BAHCC1: variants seen among roughly 807,000 people sequenced by gnomAD.
BAHCC1 encodes BAH and coiled-coil domain-containing protein 1.
In BAHCC1, 43 loss-of-function variants were observed where a neutral mutation model predicts 88.2. That is an observed-to-expected ratio of 0.49 (90% CI 0.38 to 0.63). The LOEUF is 0.63. BAHCC1 is among the 20% of genes least tolerant of loss of function. The pLI, the probability that BAHCC1 is intolerant of heterozygous loss-of-function variation, is 0.00. For missense variants in BAHCC1, 3,023 were observed against 1,654.8 expected, an observed-to-expected ratio of 1.83 and a Z score of -14.34; for synonymous variants, 1,510 against 745.5, an observed-to-expected ratio of 2.03 and a Z score of -16.71.
At position 81,399,555 on chromosome 17, in the gene BAHCC1, C is replaced by T. The variant is rs1465075042; in HGVS notation, c.-185C>T. On this transcript the variant is annotated 5_prime_UTR_variant, in exon 2 of 28. Coordinates refer to ENST00000675386, the MANE Select transcript of BAHCC1 (RefSeq NM_001377448.1). This position sits in a 1 kb window ranked among gnomAD's most constrained non-coding sequence, Gnocchi z 4.5. ...ACAGACCATGGACCCGCACAGCGGC[C>T]GCTGGCTCGGTGCGCGGCCGCCCGC... 7 of 385,254 alleles carry T rather than the reference C, an allele frequency of 1.8e-5. No individual in the cohort carries two copies. The highest frequency in any genetic ancestry group is 1.3e-4 in the Admixed American group (4 of 31,836). The allele number at this position is 385,254 out of a possible 1,614,324, so 23.9% of individuals were successfully genotyped here.
intron 4 of BAHCC1, among the ~76,000 whole-genome samples, chr17:81,438,924 C>T (rs868973187): frequency 2.0e-5 from 3 of 152,156 alleles, no homozygotes; most frequent in Non-Finnish European, 4.4e-5. Flanking sequence ...CTTACACACC[C>T]GGTGGCCTCG....
intron 2 of BAHCC1, among the ~76,000 whole-genome samples, chr17:81,419,788 C>G (rs1391137513): frequency 2.0e-5 from 2 of 102,308 alleles, no homozygotes; most frequent in African/African-American, 7.6e-5. Context: ...CTCAACGAGG[C>G]GTTTTTTTTT....
At chr17:81,445,754 G>A (rs1254293587) in intron 10 of BAHCC1, 73 bp downstream of exon 10, 13 of 674,326 alleles carry the variant, frequency 1.9e-5, no homozygotes, top group Admixed American at 6.6e-5. Context: ...GCAGGGCTGC[G>A]CTGAATCCGG....
intron 4 of BAHCC1, among the ~76,000 whole-genome samples, chr17:81,440,123 C>T (rs1297966593): frequency 6.6e-6 from 1 of 152,238 alleles, no homozygotes; most frequent in African/African-American, 2.4e-5. Context: ...CCTCACCCCA[C>T]ACCCCAGCTC....
At chr17:81,446,569 CAG>C (rs1359970827) in intron 10 of BAHCC1, among the ~76,000 whole-genome samples, 1 of 83,848 alleles carries the variant, frequency 1.2e-5, no homozygotes, top group Non-Finnish European at 2.1e-5. Context: ...TTTTTTGAGA[CAG>C]GGTATCTCCC....
intron 3 of BAHCC1, among the ~76,000 whole-genome samples, chr17:81,429,636 C>G (rs1465952320): frequency 2.0e-5 from 3 of 152,124 alleles, no homozygotes; most frequent in Admixed American, 1.3e-4. Flanking sequence ...GCGACTCGGC[C>G]GGAGAGTGGG....
chr17:81,429,626 G>A (rs1047475178), intron 3 of BAHCC1, among the ~76,000 whole-genome samples: 25 of 152,132 alleles, frequency 1.6e-4, no homozygotes, highest in Admixed American at 7.2e-4. Context: ...TGGGGGGCAC[G>A]CGACTCGGCC....
In BAHCC1 at chr17:81,452,111, C is replaced by A; in HGVS notation, c.4316+4C>A. Reference sequence around the variant, plus strand: ...TGCAGCGCAAGCACGACCATGAGTACGCCTGGCGTGGCGGGGGGGCCTGGG... The same window carrying A: ...TGCAGCGCAAGCACGACCATGAGTAAGCCTGGCGTGGCGGGGGGGCCTGGG... On this transcript the variant is annotated splice_donor_region_variant and intron_variant, in intron 13 of 27. Coordinates refer to ENST00000675386, the MANE Select transcript of BAHCC1 (RefSeq NM_001377448.1). 2 of 623,318 alleles carry A rather than the reference C, an allele frequency of 3.2e-6. No individual in the cohort carries two copies. The highest frequency in any genetic ancestry group is 2.8e-6 in the Non-Finnish European group (1 of 353,866). The allele number at this position is 623,318 out of a possible 1,614,324, so 38.6% of individuals were successfully genotyped here.
chr17:81,458,731 A>G lies in BAHCC1; in HGVS notation c.5448+6A>G, dbSNP rs1555658243. 2 of 736,904 alleles carry G rather than the reference A, an allele frequency of 2.7e-6. No homozygotes were observed. Among genetic ancestry groups the G allele is most frequent in the Admixed American group, 1.9e-5 (1 of 51,894 alleles). The allele number at this position is 736,904 out of a possible 1,614,324, so 45.6% of individuals were successfully genotyped here. On this transcript the variant is annotated splice_donor_region_variant and intron_variant, in intron 19 of 27. Transcript: ENST00000675386. ...AGCACAAGGCCGGCAAGCAGGTAGC[A>G]GCCCCCCACTCTGGGAGCCCACTGT...
At chr17:81,422,757 C>T (rs571029774) in intron 2 of BAHCC1, 1 of 440,754 alleles carries the variant, frequency 2.3e-6, no homozygotes, top group Non-Finnish European at 4.6e-6. Context: ...GAAATCCCTT[C>T]TCCAGACCCA....
intron 2 of BAHCC1, among the ~76,000 whole-genome samples, chr17:81,405,733 G>GC (rs376521773): frequency 1.9e-4 from 29 of 152,164 alleles, no homozygotes; most frequent in South Asian, 1.2e-3. Context: ...AGGCTTCTGG[G>GC]CCCCCCGGTC....
rs773856136 is a variant in BAHCC1, at chr17:81,458,823, G to A, written c.5459G>A (p.Arg1820Gln). 5.0e-5 allele frequency: 38 copies of A among 765,416 alleles called. No homozygotes were observed. Among genetic ancestry groups the A allele is most frequent in the South Asian group, 1.8e-4 (13 of 73,550 alleles). The allele number at this position is 765,416 out of a possible 1,614,324, so 47.4% of individuals were successfully genotyped here. A position where few individuals can be genotyped will look rare whatever the true frequency, so the allele number is the denominator to read the frequency against. The change falls in exon 20 of 28, where the codon CGG becomes CAG. Residue 1820 changes from arginine to glutamine, a missense_variant. Transcript: ENST00000675386. ...TCCTCTGGCCCCCAGGGCAAGGGCCGGGCCGTGAGCCGCCTGCTGGAAAGC... is the reference window on the plus strand; with the variant it reads ...TCCTCTGGCCCCCAGGGCAAGGGCCAGGCCGTGAGCCGCCTGCTGGAAAGC... ...KHKAGKQGKGRAVSRLLESFA... is the reference protein window; with the variant it reads ...KHKAGKQGKGQAVSRLLESFA...
chr17:81,452,131 C>T lies in BAHCC1; in HGVS notation c.4316+24C>T, dbSNP rs782175524. On this transcript the variant is annotated intron_variant, in intron 13 of 27. Transcript: ENST00000675386. The stretch of plus-strand genomic sequence containing the variant: ...GAGTACGCCTGGCGTGGCGGGGGGG[C>T]CTGGGAGGGTCGCAGCACCCCCACC... The T allele has an allele frequency of 1.4e-5, 8 of 562,990 alleles. 1 individual carries two copies. Among genetic ancestry groups the T allele is most frequent in the South Asian group, 8.7e-5 (4 of 45,990 alleles). 34.9% of individuals were successfully genotyped at this position (562,990 alleles called of 1,614,324 possible).
intron 2 of BAHCC1, among the ~76,000 whole-genome samples, chr17:81,423,078 A>G (rs2064133922): frequency 1.3e-5 from 2 of 150,680 alleles, no homozygotes; most frequent in Admixed American, 1.3e-4. Flanking sequence ...GGGCACCTTC[A>G]CCCCCTGCCC....
chr17:81,448,977 C>T lies in BAHCC1; in HGVS notation c.3976+1129C>T, dbSNP rs538071910. Among the ~76,000 whole-genome samples, 86 of 152,266 alleles carry T rather than the reference C, an allele frequency of 5.6e-4. 1 individual carries two copies. The South Asian group carries it at 0.016, about 28-fold the overall frequency. ...GGCAGGGCCTGAGCTGCCAGGGACCCGCCGTGGGAGGGTCTCAGGGACCCT... is the reference window on the plus strand; with the variant it reads ...GGCAGGGCCTGAGCTGCCAGGGACCTGCCGTGGGAGGGTCTCAGGGACCCT... On this transcript the variant is annotated intron_variant, in intron 11 of 27. Coordinates refer to ENST00000675386, the MANE Select transcript of BAHCC1 (RefSeq NM_001377448.1).
At chr17:81,417,561 C>CCT (rs782708031) in intron 2 of BAHCC1, among the ~76,000 whole-genome samples, 1 of 45,402 alleles carries the variant, frequency 2.2e-5, no homozygotes, top group Non-Finnish European at 6.2e-5. Context: ...GGCCACCCCC[C>CCT]CCCCGCCCTA....
chr17:81,427,707 C>T (rs1159577946), intron 3 of BAHCC1, among the ~76,000 whole-genome samples: 4 of 152,158 alleles, frequency 2.6e-5, no homozygotes, highest in South Asian at 2.1e-4. Context: ...AACCCTACAG[C>T]GTGGGAAGGG....
intron 3 of BAHCC1, among the ~76,000 whole-genome samples, chr17:81,428,858 C>T (rs967057792): frequency 0.031 from 4,678 of 152,366 alleles, 196 homozygotes; most frequent in African/African-American, 0.1. Flanking sequence ...CATCTGCTCC[C>T]GAGCCCTTGG....
chr17:81,405,817 C>G (rs2143217536), intron 2 of BAHCC1, among the ~76,000 whole-genome samples: 1 of 152,356 alleles, frequency 6.6e-6, no homozygotes. Flanking sequence ...CCTCTGCCCT[C>G]TGGATCCTGT....
Sources: allele counts gnomAD v4.1 joint callset (sites outside exome capture counted in the v4.1 genomes callset), GRCh38; gene constraint gnomAD v4.1.1; non-coding constraint Gnocchi (gnomAD v3.1); transcripts MANE v1.5; gene names NCBI Gene and HGNC (gene_info 2026-07-23, HGNC 2026-07-21).